MX2: variants seen among roughly 807,000 people sequenced by gnomAD.
MX2 encodes MX dynamin like GTPase 2.
MX2 carries 51 observed loss-of-function variants against 74.0 expected under a neutral mutation model. The observed-to-expected ratio is 0.69, with a 90% CI of 0.55 to 0.87. The LOEUF is 0.87. Among genes scored for constraint, MX2 ranks in the 40% least tolerant of loss-of-function variants. The pLI is 0.00. For missense variants in MX2, 832 were observed against 908.7 expected (o/e 0.92, Z 1.09); for synonymous variants, 369 against 339.3 (o/e 1.09, Z -0.96).
chr21:41,377,330 T>C (rs932706378), intron 2 of MX2, among the ~76,000 whole-genome samples, 175 bp downstream of exon 2: 1 of 152,210 alleles, frequency 6.6e-6, no homozygotes, highest in African/African-American at 2.4e-5. Context: ...TAGACTCTCC[T>C]GCAGCAACGG....
In MX2 at chr21:41,407,001, G is replaced by A. The variant is rs771164581; in HGVS notation, c.1905+3G>A. 6.2e-7 allele frequency: 1 copy of A among 1,610,338 alleles called. No homozygotes were observed. The highest frequency in any genetic ancestry group is 8.5e-7 in the Non-Finnish European group (1 of 1,176,774). On this transcript the variant is annotated splice_donor_region_variant and intron_variant, in intron 13 of 13. Coordinates refer to ENST00000330714, the MANE Select transcript of MX2 (RefSeq NM_002463.2). ...TCCACCTGAATGCCTACTTCTTGGT[G>A]AGTTCCCGGCGGGGCAGGAGCCGTG...
rs376144948 is a variant in MX2 at position 41,390,633 on chromosome 21, C to T, written c.801C>T (p.Asn267=). 4.3e-5 allele frequency: 70 copies of T among 1,614,076 alleles called. No individual in the cohort carries two copies. Among genetic ancestry groups the T allele is most frequent in the East Asian group, 8.9e-5 (4 of 44,892 alleles). ...TCAACTTGGTGGTGGTTCCCTGTAA[C>T]GTGGACATTGCCACCACGGAGGCGC... The part of the protein sequence containing the change: ...QTINLVVVPC[N]VDIATTEALS... The change falls in exon 6 of 14, where the codon AAC becomes AAT. Residue 267 remains asparagine, a synonymous_variant. Transcript: ENST00000330714.
Position 41,403,353 on chromosome 21 carries a change from C to T in MX2, c.1650+10C>T. The T allele has an allele frequency of 6.2e-7, 1 of 1,607,834 alleles. No individual in the cohort carries two copies. The highest frequency in any genetic ancestry group is 8.5e-7 in the Non-Finnish European group (1 of 1,174,452). ...TAACCAAACTGTTCAGGTAAGCACC[C>T]AGAGTTCACTTGCTAGTCACCTGGA... On this transcript the variant is annotated intron_variant, in intron 12 of 13. Coordinates refer to ENST00000330714, the MANE Select transcript of MX2 (RefSeq NM_002463.2).
chr21:41,377,179 A>G (rs1467613151), intron 2 of MX2, 24 bp downstream of exon 2: 4 of 1,612,318 alleles, frequency 2.5e-6, no homozygotes, highest in Non-Finnish European at 3.4e-6. Context: ...AGGGACGTTC[A>G]GAAAGGGTGC....
intron 6 of MX2, among the ~76,000 whole-genome samples, chr21:41,392,933 C>T (rs1265376652): frequency 6.6e-6 from 1 of 151,632 alleles, no homozygotes; most frequent in East Asian, 1.9e-4. Context: ...GGTGAAACCC[C>T]ATCTCTACTA....
chr21:41,379,386 C>T (rs1316574483), intron 3 of MX2, among the ~76,000 whole-genome samples: 1 of 152,188 alleles, frequency 6.6e-6, no homozygotes, highest in Non-Finnish European at 1.5e-5. Context: ...CTCAGCACCG[C>T]TCCCACCTTT....
intron 5 of MX2, among the ~76,000 whole-genome samples, chr21:41,387,975 G>A (rs968633964): frequency 2.0e-5 from 3 of 152,034 alleles, no homozygotes. Context: ...CACCTACAAA[G>A]CCTGCTGGCT....
chr21:41,371,210 C>T (rs1411812697), intron 1 of MX2, among the ~76,000 whole-genome samples: 1 of 152,166 alleles, frequency 6.6e-6, no homozygotes, highest in Non-Finnish European at 1.5e-5. Context: ...GTGAAGCTGT[C>T]CACTCCCAAA....
intron 5 of MX2, among the ~76,000 whole-genome samples, chr21:41,389,089 A>G (rs2089620898): frequency 6.6e-6 from 1 of 152,168 alleles, no homozygotes; most frequent in East Asian, 1.9e-4. Context: ...CAAAGGGAAT[A>G]AGCACACAAG....
At chr21:41,386,078 A>G (rs1568940110) in intron 5 of MX2, among the ~76,000 whole-genome samples, 2 of 152,072 alleles carry the variant, frequency 1.3e-5, no homozygotes, top group Non-Finnish European at 2.9e-5. Context: ...AGGCGGGTAG[A>G]TCACCTGAGG....
chr21:41,380,840 A>C lies in MX2; in HGVS notation c.577+689A>C, dbSNP rs1454414067. Among the ~76,000 whole-genome samples, 1 of 152,164 alleles carries C rather than the reference A, an allele frequency of 6.6e-6. No homozygotes were observed. The highest frequency in any genetic ancestry group is 1.5e-5 in the Non-Finnish European group (1 of 68,022). On this transcript the variant is annotated intron_variant, in intron 4 of 13. Transcript: ENST00000330714. The surrounding 1 kb of genome is among the most constrained non-coding windows in gnomAD (Gnocchi z 4.3). ...GTGCACAGCCCTGCCTGCCCCAGGC[A>C]CTGGAGCCTCTCAACCTCCCTAAAG...
intron 6 of MX2, among the ~76,000 whole-genome samples, chr21:41,391,255 A>C (rs1054820969): frequency 6.0e-5 from 9 of 150,274 alleles, no homozygotes; most frequent in Non-Finnish European, 1.2e-4. Context: ...GAAAGAAAAA[A>C]AGTTTTCTAA....
At chr21:41,407,718 G>A (rs917651524) in intron 13 of MX2, among the ~76,000 whole-genome samples, 1 of 152,180 alleles carries the variant, frequency 6.6e-6, no homozygotes. Flanking sequence ...TCTCCAGCAG[G>A]GAGGAGCTGT....
At position 41,406,539 on chromosome 21, in the gene MX2, G is replaced by A. The variant is rs572466125; in HGVS notation, c.1651-205G>A. Among the ~76,000 whole-genome samples, 12 of 152,324 alleles carry A rather than the reference G, an allele frequency of 7.9e-5. No individual in the cohort carries two copies. In the South Asian group the frequency reaches 8.3e-4, roughly 11 times the overall value. On this transcript the variant is annotated intron_variant, in intron 12 of 13. Transcript: ENST00000330714. ...GAAAGGGCAGGAGAGAAGGTATGTC[G>A]CAAGTGGGGAGTGAGGAAACCGGGT...
At chr21:41,406,347 G>A (rs2089886283) in intron 12 of MX2, among the ~76,000 whole-genome samples, 1 of 152,174 alleles carries the variant, frequency 6.6e-6, no homozygotes, top group East Asian at 1.9e-4. Context: ...CTGGGAAACA[G>A]GTATATCACA....
intron 5 of MX2, among the ~76,000 whole-genome samples, chr21:41,384,792 T>C (rs1339056993): frequency 6.7e-6 from 1 of 150,038 alleles, no homozygotes; most frequent in East Asian, 1.9e-4. Context: ...TGAGCCAAGA[T>C]CGTGCCACTG....
At chr21:41,387,748 C>T (rs924743891) in intron 5 of MX2, among the ~76,000 whole-genome samples, 5 of 152,200 alleles carry the variant, frequency 3.3e-5, no homozygotes, top group African/African-American at 9.7e-5. Flanking sequence ...AATCCAGGCT[C>T]CTATCTCCAG....
At position 41,390,664 on chromosome 21, in the gene MX2, A is replaced by G. The variant is rs758121020; in HGVS notation, c.832A>G (p.Met278Val). 5 of 1,614,076 alleles carry G rather than the reference A, an allele frequency of 3.1e-6. No homozygotes were observed. In the African/African-American group the frequency reaches 5.3e-5, roughly 17 times the overall value. ...VDIATTEALS[M>V]AHEVDPEGDR... ...CATTGCCACCACGGAGGCGCTGAGCATGGCCCATGAGGTGGACCCGGAAGG... is the reference window on the plus strand; with the variant it reads ...CATTGCCACCACGGAGGCGCTGAGCGTGGCCCATGAGGTGGACCCGGAAGG... Residue 278 changes from methionine to valine, a missense_variant, in exon 6 of 14, where the codon ATG (methionine) becomes GTG (valine). Physicochemically the swap from Met to Val is conservative, Grantham distance 21. Transcript: ENST00000330714.
At chr21:41,372,643 A>G (rs184279652) in intron 1 of MX2, among the ~76,000 whole-genome samples, 2 of 152,298 alleles carry the variant, frequency 1.3e-5, no homozygotes, top group Non-Finnish European at 2.9e-5. Context: ...GGTAGCTTCT[A>G]ATAAGTTACT....
Sources: allele counts gnomAD v4.1 joint callset (sites outside exome capture counted in the v4.1 genomes callset), GRCh38; gene constraint gnomAD v4.1.1; non-coding constraint Gnocchi (gnomAD v3.1); transcripts MANE v1.5; gene names NCBI Gene and HGNC (gene_info 2026-07-23, HGNC 2026-07-21).